The following NGEF variants were observed in gnomAD, a reference collection of about 807,000 sequenced individuals.
NGEF encodes neuronal guanine nucleotide exchange factor.
NGEF carries 31 observed loss-of-function variants against 80.9 expected under a neutral mutation model. That is an observed-to-expected ratio of 0.38 (90% CI 0.29 to 0.52). The LOEUF (loss-of-function observed/expected upper bound fraction) is 0.52. Among genes scored for constraint, NGEF ranks in the 20% least tolerant of loss-of-function variants. The probability of loss-of-function intolerance (pLI) is 0.84; values close to 1 mark genes in which losing one functional copy is unlikely to be tolerated. For missense variants in NGEF, 709 were observed against 926.2 expected (o/e 0.77, Z 3.04); for synonymous variants, 371 against 370.2 (o/e 1.00, Z -0.03).
rs368006864 is a variant in NGEF at position 233,003,510 on chromosome 2, C to A, written c.-75+9558G>T. Among the ~76,000 whole-genome samples, 20 of 152,316 alleles carry A rather than the reference C, an allele frequency of 1.3e-4. No homozygotes were observed. In the East Asian group the frequency reaches 1.7e-3, roughly 13 times the overall value. On this transcript the variant is annotated intron_variant, in intron 1 of 14. Transcript: ENST00000264051. ...GCACCTTCCCCTTCCTTGCTAATAT[C>A]CTCTAAGGCTCTTTCCTGGAGGACT...
At chr2:232,968,225 A>T (rs1245236886) in intron 3 of NGEF, among the ~76,000 whole-genome samples, 1 of 145,792 alleles carries the variant, frequency 6.9e-6, no homozygotes, top group Non-Finnish European at 1.5e-5. Context: ...AGTAGCTGGG[A>T]TTACAGGCAT....
intron 5 of NGEF, among the ~76,000 whole-genome samples, chr2:232,900,582 T>A (rs1692305341): frequency 8.9e-6 from 1 of 112,182 alleles, no homozygotes; most frequent in African/African-American, 3.7e-5. Context: ...ACACACGCTC[T>A]CACAGTCACT....
At chr2:232,880,839 AGGCCAG>A (rs1443443543) in intron 14 of NGEF, among the ~76,000 whole-genome samples, 2 of 150,570 alleles carry the variant, frequency 1.3e-5, no homozygotes, top group African/African-American at 2.4e-5. Flanking sequence ...GGGGGTGCTG[AGGCCAG>A]GGCCAGGGGA....
chr2:232,899,007 T>C (rs796840579), intron 5 of NGEF, among the ~76,000 whole-genome samples: 6 of 152,022 alleles, frequency 3.9e-5, no homozygotes, highest in African/African-American at 1.2e-4. Context: ...AATGGGTGTA[T>C]GTGTGTTAAC....
chr2:233,002,245 A>T (rs541158173), intron 1 of NGEF, among the ~76,000 whole-genome samples: 33 of 152,324 alleles, frequency 2.2e-4, no homozygotes, highest in African/African-American at 7.2e-4. Flanking sequence ...TTATTCTAGA[A>T]AAAAACCCAG....
chr2:232,976,666 A>G (rs772312784), intron 1 of NGEF, among the ~76,000 whole-genome samples: 6 of 152,188 alleles, frequency 3.9e-5, no homozygotes, highest in Non-Finnish European at 5.9e-5. Flanking sequence ...ATCCTGTTCT[A>G]TTAACCACCT....
In NGEF at chr2:232,906,971, T is replaced by C. The variant is rs1559204296; in HGVS notation, c.829-12055A>G. Among the ~76,000 whole-genome samples, 24 of 150,892 alleles carry C rather than the reference T, an allele frequency of 1.6e-4. No homozygotes were observed. In the South Asian group the frequency reaches 5.0e-3, roughly 32 times the overall value. On this transcript the variant is annotated intron_variant, in intron 5 of 14. Coordinates refer to ENST00000264051, the MANE Select transcript of NGEF (RefSeq NM_019850.3). ...TGCAAGATGTGCTTTGTTAAACAGA[T>C]GCTTGAAGGCAGCATGCTCGTTAAG...
intron 5 of NGEF, among the ~76,000 whole-genome samples, chr2:232,914,775 T>C (rs1692757786): frequency 6.6e-6 from 1 of 151,780 alleles, no homozygotes; most frequent in South Asian, 2.1e-4. Flanking sequence ...TCCCAGCACT[T>C]TGGGAGGCTG....
chr2:232,896,016 A>G (rs561338008), intron 5 of NGEF, among the ~76,000 whole-genome samples: 77 of 148,036 alleles, frequency 5.2e-4, no homozygotes, highest in Non-Finnish European at 8.5e-4. Context: ...AAATCAACCC[A>G]ATGACCCACC....
In NGEF at chr2:232,882,705, T is replaced by C. The variant is rs371474200; in HGVS notation, c.1758-440A>G. Among the ~76,000 whole-genome samples, 5 of 152,178 alleles carry C rather than the reference T, an allele frequency of 3.3e-5. No individual in the cohort carries two copies. In the East Asian group the frequency reaches 5.8e-4, roughly 18 times the overall value. ...TGGTGAGTTGTGGGTAAGGGGCAGCTTCGGGGCCACGACGGGAGGAGGGCA... is the reference window on the plus strand; with the variant it reads ...TGGTGAGTTGTGGGTAAGGGGCAGCCTCGGGGCCACGACGGGAGGAGGGCA... On this transcript the variant is annotated intron_variant, in intron 12 of 14. Transcript: ENST00000264051.
rs572719171 is a variant in NGEF at position 232,937,519 on chromosome 2, C to G, written c.384-10333G>C. 6.6e-5 allele frequency among the ~76,000 whole-genome samples: 10 copies of G among 152,310 alleles called. No homozygotes were observed. In the East Asian group the frequency reaches 1.9e-3, roughly 29 times the overall value. On this transcript the variant is annotated intron_variant, in intron 3 of 14. Coordinates refer to ENST00000264051, the MANE Select transcript of NGEF (RefSeq NM_019850.3). ...AAGCTGAGTCACTCCTGACAGCTCC[C>G]AGGCCTTGCTCTGTCTTCTGTTAGC...
chr2:232,997,668 A>T (rs1392637544), intron 1 of NGEF, among the ~76,000 whole-genome samples: 1 of 152,074 alleles, frequency 6.6e-6, no homozygotes, highest in African/African-American at 2.4e-5. Context: ...CTAGGGCTTC[A>T]GGCAAGGCTC....
At chr2:232,902,678 T>C (rs1692389701) in intron 5 of NGEF, among the ~76,000 whole-genome samples, 1 of 152,240 alleles carries the variant, frequency 6.6e-6, no homozygotes, top group Admixed American at 6.5e-5. Flanking sequence ...ATGTTCAGCC[T>C]GCCTCATGGC....
intron 3 of NGEF, among the ~76,000 whole-genome samples, chr2:232,935,216 G>C (rs942108380): frequency 6.6e-6 from 1 of 152,066 alleles, no homozygotes; most frequent in African/African-American, 2.4e-5. Flanking sequence ...AATTTTTCTT[G>C]ATCCTGAGGG....
At chr2:232,891,129 C>A in intron 8 of NGEF, 1 of 623,108 alleles carries the variant, frequency 1.6e-6, no homozygotes, top group Non-Finnish European at 3.0e-6. Flanking sequence ...TGGCTGTCCC[C>A]AGGGCCATGC....
At chr2:232,981,362 G>A (rs1694412348) in intron 1 of NGEF, among the ~76,000 whole-genome samples, 1 of 151,716 alleles carries the variant, frequency 6.6e-6, no homozygotes, top group African/African-American at 2.4e-5. Context: ...CTTGCCTGGG[G>A]ACCAGTCTGC....
intron 3 of NGEF, among the ~76,000 whole-genome samples, chr2:232,969,181 A>T (rs1310271824): frequency 1.3e-5 from 2 of 152,248 alleles, no homozygotes; most frequent in Admixed American, 6.5e-5. Context: ...TTATAGTAAG[A>T]TGTCATTTTA....
chr2:233,012,405 A>C (rs1233880572), intron 1 of NGEF, among the ~76,000 whole-genome samples: 18 of 152,186 alleles, frequency 1.2e-4, no homozygotes, highest in Non-Finnish European at 2.9e-5. Context: ...CAGATGCAAA[A>C]ATCAGGAAGG....
At chr2:232,879,740 G>T in intron 14 of NGEF, 61 bp from the exon 15 acceptor site, 1 of 1,516,222 alleles carries the variant, frequency 6.6e-7, no homozygotes. Flanking sequence ...CTGCACAGAG[G>T]CTCCCTCCTG....
Sources: gnomAD v4.1 joint callset for allele counts (sites outside exome capture counted in the v4.1 genomes callset) on GRCh38, gnomAD v4.1.1 for gene constraint, MANE v1.5 for transcripts, NCBI Gene and HGNC (gene_info 2026-07-23, HGNC 2026-07-21) for gene names.